Variants in ITPR2 observed in about 807,000 individuals in gnomAD.
ITPR2 encodes inositol 1,4,5-trisphosphate-gated calcium channel ITPR2.
A neutral mutation model predicts 317.1 loss-of-function variants in ITPR2; 207 were observed. The observed-to-expected ratio is 0.65, with a 90% CI of 0.58 to 0.73. The LOEUF is 0.73. Among genes scored for constraint, ITPR2 ranks in the 30% least tolerant of loss-of-function variants. The pLI is 0.00. For synonymous variants in ITPR2, 1,156 were observed against 1,149.1 expected (o/e 1.01, Z -0.12); for missense variants, 2,613 against 3,284.0 (o/e 0.80, Z 4.99).
At chr12:26,823,974 T>C (rs181973421) in intron 1 of ITPR2, among the ~76,000 whole-genome samples, 3 of 152,320 alleles carry the variant, frequency 2.0e-5, no homozygotes, top group East Asian at 3.9e-4. Flanking sequence ...CATGTGTCAA[T>C]AGACTTCTAA....
chr12:26,628,563 A>G (rs1946675919), intron 22 of ITPR2, among the ~76,000 whole-genome samples: 1 of 152,214 alleles, frequency 6.6e-6, no homozygotes, highest in Non-Finnish European at 1.5e-5. Context: ...ATTCAGCTAC[A>G]ATAGTATGAC....
rs955138398 is a variant in ITPR2 at position 26,689,341 on chromosome 12, C to T, written c.997-2709G>A. Among the ~76,000 whole-genome samples, 8 of 151,934 alleles carry T rather than the reference C, an allele frequency of 5.3e-5. No homozygotes were observed. The South Asian group carries it at 8.3e-4, about 16-fold the overall frequency. ...CTGTAGTGGGAGGATCACCTGAGCC[C>T]GGAGGTCGAGGCCACAGTGAGCCAA... is the stretch of plus-strand genomic sequence containing the variant. On this transcript the variant is annotated intron_variant, in intron 10 of 56. Coordinates refer to ENST00000381340, the MANE Select transcript of ITPR2 (RefSeq NM_002223.4).
intron 35 of ITPR2, among the ~76,000 whole-genome samples, chr12:26,560,509 C>T (rs78223854): frequency 0.01 from 1,532 of 152,252 alleles, 26 homozygotes; most frequent in African/African-American, 0.035. Context: ...CTCTAATCAT[C>T]GGGGCCTCTT....
At chr12:26,801,914 A>G (rs1950561926) in intron 1 of ITPR2, among the ~76,000 whole-genome samples, 1 of 152,302 alleles carries the variant, frequency 6.6e-6, no homozygotes, top group Middle Eastern at 3.4e-3. Flanking sequence ...TAGATTTTGT[A>G]GTTGGATTAA....
chr12:26,643,266 G>A (rs1426093082), intron 21 of ITPR2, among the ~76,000 whole-genome samples: 3 of 152,194 alleles, frequency 2.0e-5, no homozygotes, highest in African/African-American at 4.8e-5. Context: ...TGGTATTTTT[G>A]TTGCTGTTGT....
Position 26,386,385 on chromosome 12 carries a change from A to C in ITPR2, c.7857+1049T>G, listed in dbSNP as rs148707842. 2.8e-3 allele frequency among the ~76,000 whole-genome samples: 426 copies of C among 152,274 alleles called. 1 individual carries two copies. The highest frequency in any genetic ancestry group is 9.6e-3 in the African/African-American group (397 of 41,548). ...GAAAAATGCTGAAATATATAAATCCAATTTACATGTAGCTCTTTTGTGACA... is the reference window on the plus strand; with the variant it reads ...GAAAAATGCTGAAATATATAAATCCCATTTACATGTAGCTCTTTTGTGACA... On this transcript the variant is annotated intron_variant, in intron 55 of 56. Transcript: ENST00000381340.
At chr12:26,508,452 T>C (rs1455452039) in intron 37 of ITPR2, among the ~76,000 whole-genome samples, 1 of 152,184 alleles carries the variant, frequency 6.6e-6, no homozygotes, top group Non-Finnish European at 1.5e-5. Context: ...TTTTTCATGA[T>C]ACATTTTCTA....
chr12:26,721,080 T>C (rs1948829823), intron 5 of ITPR2, among the ~76,000 whole-genome samples: 1 of 152,196 alleles, frequency 6.6e-6, no homozygotes, highest in Non-Finnish European at 1.5e-5. Flanking sequence ...GCACAGGTTG[T>C]TCATAAACTA....
intron 1 of ITPR2, among the ~76,000 whole-genome samples, chr12:26,830,704 T>C (rs1329216756): frequency 6.6e-6 from 1 of 152,066 alleles, no homozygotes; most frequent in Non-Finnish European, 1.5e-5. Context: ...AATTAGACAC[T>C]AAAAAAAAGT....
At chr12:26,407,783 A>C (rs1045049533) in intron 52 of ITPR2, among the ~76,000 whole-genome samples, 1 of 152,234 alleles carries the variant, frequency 6.6e-6, no homozygotes, top group Non-Finnish European at 1.5e-5. Flanking sequence ...CTCTTTCCTT[A>C]GGGTCCCTAC....
In ITPR2 at chr12:26,335,617, T is replaced by C. The variant is rs1937894360; in HGVS notation, c.*3780A>G. ...GCTATCTGGTTTTGATAGTGCGTGT[T>C]TTCTTCTATTAAGTGAGATAGCTTT... On this transcript the variant is annotated 3_prime_UTR_variant, in exon 57 of 57. Transcript: ENST00000381340. Among the ~76,000 whole-genome samples the C allele has an allele frequency of 6.6e-6, 1 of 152,222 alleles. No individual in the cohort carries two copies. Among genetic ancestry groups the C allele is most frequent in the South Asian group, 2.1e-4 (1 of 4,832 alleles).
chr12:26,600,678 C>CGG (rs1432318810), intron 28 of ITPR2, among the ~76,000 whole-genome samples: 1 of 151,728 alleles, frequency 6.6e-6, no homozygotes, highest in African/African-American at 2.4e-5. Context: ...CTTTCTCCCA[C>CGG]ATCTATTCCA....
At chr12:26,380,167 T>C (rs1939462232) in intron 55 of ITPR2, among the ~76,000 whole-genome samples, 1 of 152,212 alleles carries the variant, frequency 6.6e-6, no homozygotes, top group Non-Finnish European at 1.5e-5. Flanking sequence ...CCAGAATCCT[T>C]AAGATGAAGT....
intron 49 of ITPR2, among the ~76,000 whole-genome samples, chr12:26,420,630 T>C (rs1313869748): frequency 1.3e-5 from 2 of 152,168 alleles, no homozygotes; most frequent in Non-Finnish European, 2.9e-5. Flanking sequence ...ATAATCAATG[T>C]TATCACTTCA....
At chr12:26,778,400 T>C (rs2122269) in intron 2 of ITPR2, among the ~76,000 whole-genome samples, 43,698 of 152,136 alleles carry the variant, frequency 0.29, 7,588 homozygotes, top group East Asian at 0.75. Context: ...CAGTGGATTA[T>C]CATAAGCTTA....
intron 38 of ITPR2, among the ~76,000 whole-genome samples, chr12:26,494,719 A>C (rs1323845173): frequency 7.2e-6 from 1 of 138,470 alleles, no homozygotes; most frequent in Non-Finnish European, 1.6e-5. Flanking sequence ...GCAGTGAGCC[A>C]AGATTGCGCC....
intron 9 of ITPR2, among the ~76,000 whole-genome samples, chr12:26,702,393 T>G (rs1948459259): frequency 8.2e-6 from 1 of 121,578 alleles, no homozygotes. Context: ...TTGGTTTGGT[T>G]TTTGGGGGCG....
Position 26,682,674 on chromosome 12 carries a change from C to T in ITPR2, c.1149-1G>A. ...ATGCCTTAACCGAACATATGAGTTC[C>T]TAAAAGCAAAACAATATAAAAAAAC... On this transcript the variant is annotated splice_acceptor_variant, in intron 11 of 56. Transcript: ENST00000381340. LOFTEE classifies it high-confidence loss of function. The T allele has an allele frequency of 6.3e-7, 1 of 1,596,824 alleles. No homozygotes were observed. The highest frequency in any genetic ancestry group is 8.6e-7 in the Non-Finnish European group (1 of 1,167,646).
chr12:26,537,939 C>G (rs903153872), intron 37 of ITPR2, among the ~76,000 whole-genome samples: 1 of 152,202 alleles, frequency 6.6e-6, no homozygotes, highest in Admixed American at 6.5e-5. Flanking sequence ...CAGGCCTACT[C>G]TGAAGAAATC....
Sources: gnomAD v4.1 joint callset for allele counts (sites outside exome capture counted in the v4.1 genomes callset) on GRCh38, gnomAD v4.1.1 for gene constraint, MANE v1.5 for transcripts, NCBI Gene and HGNC (gene_info 2026-07-23, HGNC 2026-07-21) for gene names.